CNBD1: variants seen among roughly 807,000 people sequenced by gnomAD.
The protein encoded by CNBD1 is cyclic nucleotide-binding domain-containing protein 1.
Under a neutral mutation model 54.4 loss-of-function variants are expected in CNBD1, and 71 were observed. The observed-to-expected ratio is 1.30, with a 90% CI of 1.08 to 1.59. CNBD1 has a LOEUF of 1.59. Among genes scored for constraint, CNBD1 ranks in the 40% most tolerant of loss-of-function variants. The pLI is 0.00. For missense variants in CNBD1, 659 were observed against 518.0 expected (o/e 1.27, Z -2.64); for synonymous variants, 182 against 170.7 (o/e 1.07, Z -0.51).
intron 4 of CNBD1, among the ~76,000 whole-genome samples, chr8:87,022,557 T>G (rs1387404069): frequency 6.6e-6 from 1 of 152,222 alleles, no homozygotes; most frequent in Non-Finnish European, 1.5e-5. Flanking sequence ...GCTTTATGCT[T>G]TCAAGTGTGT....
At chr8:86,999,595 A>G (rs184965628) in intron 4 of CNBD1, among the ~76,000 whole-genome samples, 1 of 152,132 alleles carries the variant, frequency 6.6e-6, no homozygotes, top group East Asian at 1.9e-4. Context: ...AAAGTAGTTT[A>G]ATCTCTTTCC....
chr8:86,985,835 C>T (rs867285247), intron 4 of CNBD1, among the ~76,000 whole-genome samples: 1 of 152,172 alleles, frequency 6.6e-6, no homozygotes, highest in Admixed American at 6.5e-5. Context: ...AAGCCTTCCC[C>T]TTTTTCCACA....
intron 10 of CNBD1, among the ~76,000 whole-genome samples, chr8:87,378,000 G>C (rs906433030): frequency 1.2e-3 from 157 of 133,332 alleles, no homozygotes; most frequent in Non-Finnish European, 2.0e-3. Flanking sequence ...TGATGGGGTT[G>C]TTTGTTTTTT....
intron 10 of CNBD1, among the ~76,000 whole-genome samples, chr8:87,378,741 G>A (rs1035771500): frequency 1.3e-5 from 2 of 151,038 alleles, no homozygotes; most frequent in Non-Finnish European, 2.9e-5. Flanking sequence ...AAATTACCTT[G>A]GGCAGTATGG....
rs148668612 is a variant in CNBD1, at chr8:87,328,135, G to A, written c.1043-23550G>A. Among the ~76,000 whole-genome samples the A allele has an allele frequency of 3.1e-3, 472 of 151,762 alleles. 3 individuals are homozygous for A. Among genetic ancestry groups the A allele is most frequent in the Non-Finnish European group, 3.0e-3 (204 of 67,948 alleles). On this transcript the variant is annotated intron_variant, in intron 8 of 10. Coordinates refer to ENST00000518476, the MANE Select transcript of CNBD1 (RefSeq NM_173538.3). Reference sequence around the variant, plus strand: ...GTTTGTCCTGATGCTCTCCTTCCCCGTGCCCCCAATCCCCCAACAGGCCCT... The same window carrying A: ...GTTTGTCCTGATGCTCTCCTTCCCCATGCCCCCAATCCCCCAACAGGCCCT...
At chr8:87,180,794 T>C (rs1813296235) in intron 4 of CNBD1, among the ~76,000 whole-genome samples, 1 of 152,184 alleles carries the variant, frequency 6.6e-6, no homozygotes, top group African/African-American at 2.4e-5. Context: ...CCATATTTTA[T>C]GTACTAGGGA....
At chr8:87,419,575 G>A (rs1027772930) in intron 2 of CNBD1, among the ~76,000 whole-genome samples, 6 of 151,886 alleles carry the variant, frequency 4.0e-5, no homozygotes, top group Non-Finnish European at 7.4e-5. Flanking sequence ...CATTCAGAAT[G>A]TGTTGTATAG....
intron 10 of CNBD1, among the ~76,000 whole-genome samples, chr8:87,355,510 A>T (rs1810402964): frequency 6.6e-6 from 1 of 152,196 alleles, no homozygotes; most frequent in Non-Finnish European, 1.5e-5. Context: ...ACCTGTATTC[A>T]GCCCTCCAAA....
chr8:87,309,305 A>T (rs1172534791), intron 8 of CNBD1, among the ~76,000 whole-genome samples: 5 of 152,100 alleles, frequency 3.3e-5, no homozygotes, highest in Non-Finnish European at 5.9e-5. Flanking sequence ...GTTTCTTCTT[A>T]TTACCAAATC....
At chr8:86,929,098 C>T (rs578188860) in intron 3 of CNBD1, among the ~76,000 whole-genome samples, 10 of 152,158 alleles carry the variant, frequency 6.6e-5, no homozygotes, top group Non-Finnish European at 1.3e-4. Flanking sequence ...GCAATTTTGG[C>T]GTCAGCGTCT....
chr8:87,140,708 T>G (rs1812353939), intron 4 of CNBD1, among the ~76,000 whole-genome samples: 1 of 152,148 alleles, frequency 6.6e-6, no homozygotes. Flanking sequence ...CAAGATTCAG[T>G]TAGAAGTATT....
chr8:87,362,345 C>A (rs1810538701), intron 10 of CNBD1, among the ~76,000 whole-genome samples: 1 of 152,170 alleles, frequency 6.6e-6, no homozygotes, highest in Non-Finnish European at 1.5e-5. Flanking sequence ...TGAGGTTTTT[C>A]AATACCAGAT....
At chr8:87,001,832 T>C (rs1040805602) in intron 4 of CNBD1, among the ~76,000 whole-genome samples, 9 of 152,174 alleles carry the variant, frequency 5.9e-5, no homozygotes, top group African/African-American at 2.2e-4. Flanking sequence ...TTGTGACATA[T>C]CACAGATTTT....
intron 10 of CNBD1, among the ~76,000 whole-genome samples, chr8:87,367,704 A>G (rs1810668906): frequency 6.6e-6 from 1 of 152,142 alleles, no homozygotes. Context: ...TATGCATTTA[A>G]TAGCCCTATT....
chr8:87,219,628 A>G (rs1315556942), intron 5 of CNBD1, among the ~76,000 whole-genome samples: 4 of 152,042 alleles, frequency 2.6e-5, no homozygotes, highest in Non-Finnish European at 4.4e-5. Context: ...TACTAAATAC[A>G]GACTTGGAGC....
At chr8:87,368,158 T>A (rs1162528062) in intron 10 of CNBD1, among the ~76,000 whole-genome samples, 1 of 116,842 alleles carries the variant, frequency 8.6e-6, no homozygotes, top group Non-Finnish European at 1.9e-5. Flanking sequence ...CGAGATTCCA[T>A]CTAAAAAGAA....
chr8:86,878,438 T>C lies in CNBD1; in HGVS notation c.89-9104T>C, dbSNP rs181170804. 8.1e-3 allele frequency among the ~76,000 whole-genome samples: 1,239 copies of C among 152,274 alleles called. 9 individuals carry two copies. Among genetic ancestry groups the C allele is most frequent in the African/African-American group, 0.023 (964 of 41,556 alleles). On this transcript the variant is annotated intron_variant, in intron 1 of 10. Transcript: ENST00000518476. ...CTTCCCTAAACAATATGCTCCTAAT[T>C]TGTGCTGTCATCGTTTAAATTCCAA... is the stretch of plus-strand genomic sequence containing the variant.
intron 4 of CNBD1, among the ~76,000 whole-genome samples, chr8:87,144,381 A>G (rs1812438360): frequency 6.6e-6 from 1 of 152,202 alleles, no homozygotes; most frequent in South Asian, 2.1e-4. Context: ...ACAACAATAG[A>G]CTTATTTCCC....
chr8:87,410,199 C>T (rs1361481044), intron 2 of CNBD1, among the ~76,000 whole-genome samples: 1 of 152,110 alleles, frequency 6.6e-6, no homozygotes, highest in Non-Finnish European at 1.5e-5. Context: ...CAACCAAGAG[C>T]TCTGATGGAG....
Sources: allele counts gnomAD v4.1 joint callset (sites outside exome capture counted in the v4.1 genomes callset), GRCh38; gene constraint gnomAD v4.1.1; transcripts MANE v1.5; gene names NCBI Gene and HGNC (gene_info 2026-07-23, HGNC 2026-07-21).